Variants in FCHSD2 observed in about 807,000 individuals in gnomAD.
FCHSD2 encodes F-BAR and double SH3 domains protein 2.
In FCHSD2, 38 loss-of-function variants were observed where a neutral mutation model predicts 108.1. The ratio of observed to expected loss-of-function variants is 0.35; its 90% CI spans 0.27 to 0.46. The LOEUF is 0.46. FCHSD2 is among the 20% of genes least tolerant of loss of function. The pLI is 1.00. For synonymous variants in FCHSD2, 279 were observed against 314.7 expected (o/e 0.89, Z 1.20); for missense variants, 751 against 897.8 (o/e 0.84, Z 2.09).
intron 2 of FCHSD2, among the ~76,000 whole-genome samples, chr11:73,122,099 T>C (rs866023913): frequency 1.3e-5 from 2 of 152,134 alleles, no homozygotes; most frequent in Non-Finnish European, 1.5e-5. Flanking sequence ...AACAGTTATC[T>C]GTTTAGGATA....
intron 4 of FCHSD2, among the ~76,000 whole-genome samples, chr11:73,005,823 T>C (rs905500697): frequency 1.3e-5 from 2 of 151,690 alleles, no homozygotes; most frequent in Non-Finnish European, 2.9e-5. Context: ...ACTCTTTAGA[T>C]GATCTCATTC....
chr11:72,851,556 C>T (rs1183870030), intron 13 of FCHSD2, among the ~76,000 whole-genome samples: 4 of 151,984 alleles, frequency 2.6e-5, no homozygotes, highest in South Asian at 2.1e-4. Context: ...CTGGCTAACA[C>T]GGTGAAACCC....
chr11:73,023,135 G>A (rs77193680), intron 3 of FCHSD2, among the ~76,000 whole-genome samples: 8 of 152,044 alleles, frequency 5.3e-5, no homozygotes, highest in African/African-American at 1.7e-4. Flanking sequence ...TTGACCTTTG[G>A]TGAAAAGTTT....
At chr11:73,138,301 T>G (rs565936733) in intron 2 of FCHSD2, among the ~76,000 whole-genome samples, 11 of 152,336 alleles carry the variant, frequency 7.2e-5, no homozygotes, top group African/African-American at 2.6e-4. Context: ...AACTCAGGAC[T>G]GTCTGACTGC....
chr11:73,141,706 C>T, intron 1 of FCHSD2, 151 bp downstream of exon 1: 1 of 799,932 alleles, frequency 1.3e-6, no homozygotes, highest in South Asian at 1.9e-5. Context: ...ACGCGCGCCC[C>T]CCACCTGGAG....
intron 2 of FCHSD2, among the ~76,000 whole-genome samples, chr11:73,119,943 C>T (rs1166812462): frequency 6.6e-6 from 1 of 152,176 alleles, no homozygotes; most frequent in Non-Finnish European, 1.5e-5. Context: ...TTTAATTGGA[C>T]TTACAGTTCC....
Position 72,954,300 on chromosome 11 carries a change from C to G in FCHSD2, c.705+29788G>C, listed in dbSNP as rs1375480793. On this transcript the variant is annotated intron_variant, in intron 8 of 19. Transcript: ENST00000409418. The stretch of plus-strand genomic sequence containing the variant: ...GCGGCTCACTGCAAGCCTCAAACAC[C>G]TGGGCTCATGCAATTCTCTCAACTC... 2.7e-5 allele frequency among the ~76,000 whole-genome samples: 4 copies of G among 148,586 alleles called. No individual in the cohort carries two copies. The East Asian group carries it at 8.1e-4, about 30-fold the overall frequency.
At chr11:73,079,748 TTAAAGAG>T (rs1195348705) in intron 3 of FCHSD2, among the ~76,000 whole-genome samples, 2 of 151,990 alleles carry the variant, frequency 1.3e-5, no homozygotes, top group African/African-American at 4.8e-5. Context: ...TGGGAGAACA[TTAAAGAG>T]TAAGAAGAAC....
chr11:72,863,084 G>C (rs900096985), intron 13 of FCHSD2, among the ~76,000 whole-genome samples: 1 of 151,906 alleles, frequency 6.6e-6, no homozygotes, highest in Admixed American at 6.6e-5. Context: ...CACAATGCCT[G>C]GCTAGTTGAA....
intron 3 of FCHSD2, among the ~76,000 whole-genome samples, chr11:73,039,410 CCA>C (rs1207383265): frequency 6.6e-6 from 1 of 151,708 alleles, no homozygotes; most frequent in African/African-American, 2.4e-5. Flanking sequence ...CCTAGCTACT[CCA>C]GAGGCAGAGG....
chr11:73,082,913 T>C (rs1859730245), intron 3 of FCHSD2, among the ~76,000 whole-genome samples: 1 of 152,190 alleles, frequency 6.6e-6, no homozygotes. Context: ...TAATTTTTTC[T>C]TGTCACATTT....
intron 8 of FCHSD2, chr11:72,940,714 C>T (rs1274894422): frequency 2.6e-5 from 25 of 967,372 alleles, no homozygotes; most frequent in African/African-American, 4.7e-5. Context: ...TGGCAGAAAA[C>T]GCCCAGTTCC....
intron 12 of FCHSD2, among the ~76,000 whole-genome samples, chr11:72,886,280 C>A (rs1485997670): frequency 6.6e-6 from 1 of 152,122 alleles, no homozygotes; most frequent in African/African-American, 2.4e-5. Context: ...ACTAAACTCA[C>A]ATCTCCTTCT....
intron 8 of FCHSD2, among the ~76,000 whole-genome samples, chr11:72,983,091 G>A (rs976265192): frequency 6.6e-5 from 10 of 151,858 alleles, no homozygotes; most frequent in Non-Finnish European, 1.2e-4. Flanking sequence ...TCAGGAGATC[G>A]AGACCATCCC....
At chr11:72,938,948 G>C (rs1378345619) in intron 8 of FCHSD2, among the ~76,000 whole-genome samples, 1 of 152,030 alleles carries the variant, frequency 6.6e-6, no homozygotes, top group Non-Finnish European at 1.5e-5. Context: ...GTAAGGATAG[G>C]GTCACAGAAG....
intron 14 of FCHSD2, among the ~76,000 whole-genome samples, chr11:72,848,239 T>A (rs1018106900): frequency 7.2e-5 from 11 of 152,202 alleles, no homozygotes; most frequent in Admixed American, 2.0e-4. Flanking sequence ...GGCCCTTTAC[T>A]ATCTGACAAC....
intron 12 of FCHSD2, among the ~76,000 whole-genome samples, chr11:72,874,246 G>T (rs1591361083): frequency 6.6e-6 from 1 of 152,318 alleles, no homozygotes; most frequent in East Asian, 1.9e-4. Flanking sequence ...GAATGCGGTG[G>T]TATGACAATA....
intron 3 of FCHSD2, among the ~76,000 whole-genome samples, chr11:73,066,520 T>TGCA (rs1300842558): frequency 6.6e-6 from 1 of 152,148 alleles, no homozygotes; most frequent in African/African-American, 2.4e-5. Context: ...AAAGAGCTTT[T>TGCA]GCACAGCAAA....
intron 4 of FCHSD2, among the ~76,000 whole-genome samples, chr11:73,010,524 T>G (rs1262711076): frequency 6.6e-6 from 1 of 152,260 alleles, no homozygotes; most frequent in African/African-American, 2.4e-5. Context: ...TTCTTCCAGT[T>G]TTTTGAATTT....
Sources: allele counts gnomAD v4.1 joint callset (sites outside exome capture counted in the v4.1 genomes callset), GRCh38; gene constraint gnomAD v4.1.1; transcripts MANE v1.5; gene names NCBI Gene and HGNC (gene_info 2026-07-23, HGNC 2026-07-21).